Variants in GALNT11 observed in about 807,000 individuals in gnomAD.
GALNT11 encodes polypeptide N-acetylgalactosaminyltransferase 11.
In GALNT11, 47 loss-of-function variants were observed where a neutral mutation model predicts 72.7. The ratio of observed to expected loss-of-function variants is 0.65; its 90% confidence interval spans 0.51 to 0.82. GALNT11 has a LOEUF of 0.82. GALNT11 is among the 40% of genes least tolerant of loss of function. The probability of loss-of-function intolerance (pLI) is 0.00; values close to 1 mark genes in which losing one functional copy is unlikely to be tolerated. For missense variants in GALNT11, 677 were observed against 778.4 expected, an observed-to-expected ratio of 0.87 and a Z score of 1.55; for synonymous variants, 270 against 286.6, an observed-to-expected ratio of 0.94 and a Z score of 0.58.
chr7:152,113,292 T>C lies in GALNT11; in HGVS notation c.1127T>C (p.Val376Ala), dbSNP rs145631984. ...CTCTTCATCATCCCTTGCTCTAGAGTAGGACACATTTTCCGAAAAAGGCGA... is the reference window on the plus strand; with the variant it reads ...CTCTTCATCATCCCTTGCTCTAGAGCAGGACACATTTTCCGAAAAAGGCGA... ...GKLFIIPCSR[V>A]GHIFRKRRPY... is the part of the protein sequence containing the mutation. The change falls in exon 8 of 12, where the codon GTA (valine) becomes GCA (alanine). Residue 376 changes from valine (V) to alanine (A), a missense_variant. Coordinates refer to ENST00000430044, the MANE Select transcript of GALNT11 (RefSeq NM_022087.4). 10,760 of 1,613,804 alleles carry C rather than the reference T, an allele frequency of 6.7e-3. 51 individuals carry two copies. The highest frequency in any genetic ancestry group is 8.2e-3 in the Non-Finnish European group (9,728 of 1,179,916).
At chr7:152,059,537 C>G (rs1045619843) in intron 1 of GALNT11, among the ~76,000 whole-genome samples, 5 of 152,180 alleles carry the variant, frequency 3.3e-5, no homozygotes, top group African/African-American at 1.2e-4. Flanking sequence ...AATAATTAGA[C>G]TTGAAAGTAG....
At chr7:152,078,448 G>T (rs1028498910) in intron 1 of GALNT11, among the ~76,000 whole-genome samples, 8 of 152,082 alleles carry the variant, frequency 5.3e-5, no homozygotes, top group Non-Finnish European at 1.2e-4. Context: ...TGATCCACCC[G>T]CCTCGGCCTC....
chr7:152,084,637 C>A (rs569895252), intron 1 of GALNT11, among the ~76,000 whole-genome samples: 1 of 152,224 alleles, frequency 6.6e-6, no homozygotes, highest in South Asian at 2.1e-4. Flanking sequence ...GCATTCATTT[C>A]CGAGGATGTG....
chr7:152,095,222 CTTGG>C (rs1342196344), intron 2 of GALNT11, among the ~76,000 whole-genome samples: 1 of 151,982 alleles, frequency 6.6e-6, no homozygotes, highest in Non-Finnish European at 1.5e-5. Context: ...TTCTCTTCAA[CTTGG>C]ATGCAAGACT....
rs377638460 is a variant in GALNT11, at chr7:152,101,646, G to C, written c.419+725G>C. ...TCTAAGTTCATGGCTTTTTTTTGGG[G>C]GGGGGGGGATGGAGTCTTTCTCTGT... On this transcript the variant is annotated intron_variant, in intron 3 of 11. Coordinates refer to ENST00000430044, the MANE Select transcript of GALNT11 (RefSeq NM_022087.4). Among the ~76,000 whole-genome samples, 40 of 146,050 alleles carry C rather than the reference G, an allele frequency of 2.7e-4. 1 individual carries two copies. The highest frequency in any genetic ancestry group is 5.9e-4 in the African/African-American group (23 of 39,018).
chr7:152,058,015 G>A (rs2083783142), intron 1 of GALNT11, among the ~76,000 whole-genome samples: 1 of 152,222 alleles, frequency 6.6e-6, no homozygotes, highest in African/African-American at 2.4e-5. Context: ...GGCATATGCT[G>A]GTGATACTGT....
chr7:152,110,595 G>C lies in GALNT11; in HGVS notation c.1030G>C (p.Asp344His). The change falls in exon 7 of 12, where the codon GAT becomes CAT. Residue 344 changes from aspartate to histidine, a missense_variant. Coordinates refer to ENST00000430044, the MANE Select transcript of GALNT11 (RefSeq NM_022087.4). ...RQYFHELGQYDSGMDIWGGEN... is the reference protein window; with the variant it reads ...RQYFHELGQYHSGMDIWGGEN... ...GTATTTCCATGAACTTGGACAGTAT[G>C]ATAGTGGCATGGATATCTGGGGAGG... 1 of 1,612,690 alleles carries C rather than the reference G, an allele frequency of 6.2e-7. No homozygotes were observed. The highest frequency in any genetic ancestry group is 8.5e-7 in the Non-Finnish European group (1 of 1,179,760).
intron 2 of GALNT11, among the ~76,000 whole-genome samples, chr7:152,098,496 T>C (rs1306489055): frequency 1.3e-5 from 2 of 152,132 alleles, no homozygotes; most frequent in Non-Finnish European, 2.9e-5. Flanking sequence ...AAATTAATTA[T>C]AAAATTAATT....
chr7:152,108,118 G>T lies in GALNT11; in HGVS notation c.793G>T (p.Asp265Tyr), dbSNP rs202100691. ...LQPLLAAIRE[D>Y]RHTVVCPVID... is the part of the protein sequence containing the mutation. Reference sequence around the variant, plus strand: ...GCCCTTGCTGGCCGCCATCCGTGAGGACCGGCACACCGTGGTGTGCCCAGT... The same window carrying T: ...GCCCTTGCTGGCCGCCATCCGTGAGTACCGGCACACCGTGGTGTGCCCAGT... Residue 265 changes from aspartate to tyrosine, a missense_variant, in exon 6 of 12, where the codon GAC becomes TAC. By Grantham distance (160) the Asp-to-Tyr change is radical. Transcript: ENST00000430044. 24 of 1,614,086 alleles carry T rather than the reference G, an allele frequency of 1.5e-5. 1 individual carries two copies. In the East Asian group the frequency reaches 5.3e-4, roughly 36 times the overall value.
chr7:152,070,640 G>A (rs1482906453), intron 1 of GALNT11, among the ~76,000 whole-genome samples: 1 of 152,140 alleles, frequency 6.6e-6, no homozygotes, highest in Non-Finnish European at 1.5e-5. Context: ...AAGGACCCTT[G>A]TAATTATATT....
At chr7:152,069,806 T>G (rs540740661) in intron 1 of GALNT11, among the ~76,000 whole-genome samples, 3 of 152,148 alleles carry the variant, frequency 2.0e-5, no homozygotes, top group South Asian at 4.1e-4. Flanking sequence ...ATAGTTCAAG[T>G]TGGTTTCTTA....
Position 152,061,170 on chromosome 7 carries a change from T to A in GALNT11, c.-38-33020T>A, listed in dbSNP as rs1244177827. 2.6e-5 allele frequency among the ~76,000 whole-genome samples: 4 copies of A among 151,114 alleles called. No homozygotes were observed. The East Asian group carries it at 5.8e-4, about 22-fold the overall frequency. ...GACTTTTTAATGATCGCCATTCTAATTGGTGTGAGATGGTATCTCATTGTG... is the reference window on the plus strand; with the variant it reads ...GACTTTTTAATGATCGCCATTCTAAATGGTGTGAGATGGTATCTCATTGTG... On this transcript the variant is annotated intron_variant, in intron 1 of 11. Coordinates refer to ENST00000430044, the MANE Select transcript of GALNT11 (RefSeq NM_022087.4).
chr7:152,079,213 A>C (rs2085172538), intron 1 of GALNT11: 1 of 152,172 alleles, frequency 6.6e-6, no homozygotes, highest in Non-Finnish European at 1.5e-5. Flanking sequence ...AGGAGGTAGA[A>C]ACTACTGACC....
chr7:152,031,240 A>G (rs748202021), intron 1 of GALNT11, among the ~76,000 whole-genome samples: 2 of 152,182 alleles, frequency 1.3e-5, no homozygotes. Flanking sequence ...TTCTCCACAA[A>G]TGAACTTCTG....
At chr7:152,070,632 G>A (rs2084582963) in intron 1 of GALNT11, among the ~76,000 whole-genome samples, 1 of 152,000 alleles carries the variant, frequency 6.6e-6, no homozygotes, top group Non-Finnish European at 1.5e-5. Context: ...TCACATTTAA[G>A]GACCCTTGTA....
intron 8 of GALNT11, among the ~76,000 whole-genome samples, chr7:152,116,629 T>C (rs1286945741): frequency 1.3e-5 from 2 of 152,198 alleles, no homozygotes; most frequent in Non-Finnish European, 2.9e-5. Flanking sequence ...GTTATTGAAT[T>C]TTGGAGTAGT....
chr7:152,111,213 G>A (rs937415798), intron 7 of GALNT11, among the ~76,000 whole-genome samples: 4 of 151,788 alleles, frequency 2.6e-5, no homozygotes, highest in African/African-American at 9.7e-5. Context: ...AGAGTGGGAT[G>A]AATACAGTGG....
chr7:152,115,725 C>T (rs556671994), intron 8 of GALNT11, among the ~76,000 whole-genome samples: 1 of 152,344 alleles, frequency 6.6e-6, no homozygotes, highest in Admixed American at 6.5e-5. Context: ...GAAAAACTTA[C>T]ATTTACCGCC....
intron 3 of GALNT11, among the ~76,000 whole-genome samples, chr7:152,101,682 G>A (rs934135359): frequency 6.6e-6 from 1 of 151,300 alleles, no homozygotes; most frequent in Non-Finnish European, 1.5e-5. Flanking sequence ...TGCCCAGGCT[G>A]GAGTGTGGTG....
Sources: allele counts gnomAD v4.1 joint callset (sites outside exome capture counted in the v4.1 genomes callset), GRCh38; gene constraint gnomAD v4.1.1; transcripts MANE v1.5; gene names NCBI Gene and HGNC (gene_info 2026-07-23, HGNC 2026-07-21).